MOB3A: variants seen among roughly 807,000 people sequenced by gnomAD.
MOB3A encodes the protein MOB kinase activator 3A.
In MOB3A, 17 loss-of-function variants were observed where a neutral mutation model predicts 17.8. That is an observed-to-expected ratio of 0.95 (90% confidence interval 0.65 to 1.43). MOB3A has a LOEUF of 1.43. MOB3A is among the 40% of genes most tolerant of loss of function. The probability of loss-of-function intolerance (pLI) is 0.00; values close to 1 mark genes in which losing one functional copy is unlikely to be tolerated. For synonymous variants in MOB3A, 124 were observed against 133.2 expected, an observed-to-expected ratio of 0.93 and a Z score of 0.48; for missense variants, 333 against 310.8, an observed-to-expected ratio of 1.07 and a Z score of -0.54.
chr19:2,088,942 A>G (rs558161333), intron 1 of MOB3A, among the ~76,000 whole-genome samples: 59 of 152,076 alleles, frequency 3.9e-4, no homozygotes, highest in Non-Finnish European at 7.2e-4. Flanking sequence ...CAAATTGCCA[A>G]CCTCACCACT....
Position 2,077,008 on chromosome 19 carries a change from G to T in MOB3A, c.427C>A (p.Pro143Thr). 6.2e-7 allele frequency: 1 copy of T among 1,612,802 alleles called. No individual in the cohort carries two copies. The highest frequency in any genetic ancestry group is 8.5e-7 in the Non-Finnish European group (1 of 1,179,674). The change falls in exon 4 of 5, where the codon CCG (proline) becomes ACG (threonine). Residue 143 changes from proline to threonine, a missense_variant. Pro to Thr is a conservative substitution (Grantham distance 38). Coordinates refer to ENST00000357066, the MANE Select transcript of MOB3A (RefSeq NM_130807.3). ...EDLFPTNVGT[P>T]FPKNFLQTVR... ...GTCTGCAGGAAGTTCTTGGGAAACG[G>T]AGTGCCTGCAGGGAGAGGGGTGGGA...
chr19:2,074,404 GAAAA>G (rs937614564), intron 4 of MOB3A, among the ~76,000 whole-genome samples: 13 of 151,722 alleles, frequency 8.6e-5, no homozygotes, highest in African/African-American at 3.2e-4. Context: ...AAAAAGAAAA[GAAAA>G]AGAAAGAAAA....
chr19:2,091,889 C>G (rs1386586684), intron 1 of MOB3A, among the ~76,000 whole-genome samples: 2 of 149,326 alleles, frequency 1.3e-5, no homozygotes, highest in African/African-American at 4.9e-5. Context: ...CCCAGCTATT[C>G]AGGAGGCTGA....
intron 1 of MOB3A, among the ~76,000 whole-genome samples, chr19:2,086,733 C>T (rs1013817238): frequency 9.9e-5 from 15 of 152,116 alleles, no homozygotes; most frequent in Admixed American, 2.6e-4. Flanking sequence ...AGGATGGCTG[C>T]GTCTTCCCTG....
chr19:2,086,104 G>A (rs994609381), intron 1 of MOB3A, among the ~76,000 whole-genome samples: 3 of 150,700 alleles, frequency 2.0e-5, no homozygotes, highest in South Asian at 2.1e-4. Flanking sequence ...GCAGTGGTAC[G>A]ATCTCAGCTC....
At chr19:2,087,800 A>G (rs1208230000) in intron 1 of MOB3A, among the ~76,000 whole-genome samples, 4 of 152,182 alleles carry the variant, frequency 2.6e-5, no homozygotes, top group Non-Finnish European at 5.9e-5. Context: ...ACAGGGAGGA[A>G]CGCCCCAAGC....
chr19:2,079,616 C>T (rs2017461178), intron 2 of MOB3A, among the ~76,000 whole-genome samples: 1 of 152,206 alleles, frequency 6.6e-6, no homozygotes, highest in African/African-American at 2.4e-5. Flanking sequence ...CAGCCCCGCC[C>T]ACACCTTCGT....
In MOB3A at chr19:2,081,494, A is replaced by G. The variant is rs537515247; in HGVS notation, c.-119-2815T>C. On this transcript the variant is annotated intron_variant, in intron 2 of 4. Coordinates refer to ENST00000357066, the MANE Select transcript of MOB3A (RefSeq NM_130807.3). Reference sequence around the variant, plus strand: ...TCCCAGCTACTCGGGAGGCTGAGGCAGGAGAATCGCTTGAACCCGGGGGAC... The same window carrying G: ...TCCCAGCTACTCGGGAGGCTGAGGCGGGAGAATCGCTTGAACCCGGGGGAC... Among the ~76,000 whole-genome samples, 35 of 152,194 alleles carry G rather than the reference A, an allele frequency of 2.3e-4. No individual in the cohort carries two copies. The East Asian group carries it at 6.0e-3, about 26-fold the overall frequency.
At chr19:2,084,056 G>C in intron 2 of MOB3A, 1 of 440,536 alleles carries the variant, frequency 2.3e-6, no homozygotes, top group South Asian at 1.6e-5. Context: ...ACAGGCGTGA[G>C]CCACCGTGCC....
At chr19:2,084,159 G>C (rs1382601791) in intron 2 of MOB3A, 1 of 500,264 alleles carries the variant, frequency 2.0e-6, no homozygotes, top group Admixed American at 2.1e-5. Context: ...GCAGCCCGAG[G>C]AGCTTGTAAA....
rs1350627859 is a variant in MOB3A, at chr19:2,082,238, G to A, written c.-120+2937C>T. 6.6e-6 allele frequency among the ~76,000 whole-genome samples: 1 copy of A among 152,252 alleles called. No homozygotes were observed. Among genetic ancestry groups the A allele is most frequent in the Non-Finnish European group, 1.5e-5 (1 of 68,046 alleles). On this transcript the variant is annotated intron_variant, in intron 2 of 4. Coordinates refer to ENST00000357066, the MANE Select transcript of MOB3A (RefSeq NM_130807.3). The surrounding 1 kb of genome is among the most constrained non-coding windows in gnomAD (Gnocchi z 4.1). ...GAGAAAACCAGGGCCCAGAAAACCA[G>A]GCCTCTAACCCCTGGCTCTGTGGAC...
At chr19:2,089,590 C>T (rs967169784) in intron 1 of MOB3A, among the ~76,000 whole-genome samples, 1 of 151,898 alleles carries the variant, frequency 6.6e-6, no homozygotes, top group Non-Finnish European at 1.5e-5. Flanking sequence ...ATTCCACGGA[C>T]CCCCAAGAGA....
At position 2,073,198 on chromosome 19, in the gene MOB3A, CTG is replaced by C; in HGVS notation, c.*195_*196del. 1.5e-6 allele frequency: 1 copy of C among 661,314 alleles called. No homozygotes were observed. The highest frequency in any genetic ancestry group is 1.8e-5 in the South Asian group (1 of 56,838). The allele number at this position is 661,314 out of a possible 1,614,324, so 41.0% of individuals were successfully genotyped here. A position where few individuals can be genotyped will look rare whatever the true frequency, so the allele number is the denominator to read the frequency against. The stretch of plus-strand genomic sequence containing the variant: ...TCACGTTTTAGTCCCAGACGGGAGA[CTG>C]AGGCTCGAGACTGAGGAAGGCATCT... On this transcript the variant is annotated 3_prime_UTR_variant, in exon 5 of 5. Coordinates refer to ENST00000357066, the MANE Select transcript of MOB3A (RefSeq NM_130807.3).
intron 4 of MOB3A, 140 bp from the exon 5 acceptor site, chr19:2,073,564 A>G (rs1250274026): frequency 2.8e-6 from 3 of 1,064,090 alleles, no homozygotes; most frequent in East Asian, 4.8e-5. Context: ...AAAACCACAC[A>G]GGCAATGGCA....
intron 2 of MOB3A, 155 bp from the exon 3 acceptor site, chr19:2,078,834 C>T: frequency 2.8e-6 from 1 of 362,440 alleles, no homozygotes; most frequent in Non-Finnish European, 4.9e-6. Flanking sequence ...TCACAGCTCA[C>T]TGCAACCTCT....
intron 1 of MOB3A, among the ~76,000 whole-genome samples, chr19:2,088,944 C>T (rs958569461): frequency 4.6e-5 from 7 of 152,188 alleles, no homozygotes; most frequent in Non-Finnish European, 1.5e-5. Flanking sequence ...AATTGCCAAC[C>T]TCACCACTAG....
chr19:2,074,394 AAAAAG>A lies in MOB3A; in HGVS notation c.625-975_625-971del, dbSNP rs367711689. On this transcript the variant is annotated intron_variant, in intron 4 of 4. Transcript: ENST00000357066. ...TGGAATACAGAAAAAAAGAAAAAGAAAAAAGAAAAGAAAAAGAAAGAAAAAAGAGG... is the reference window on the plus strand; with the variant it reads ...TGGAATACAGAAAAAAAGAAAAAGAAAAAAGAAAAAGAAAGAAAAAAGAGG... Among the ~76,000 whole-genome samples, 1,147 of 152,290 alleles carry A rather than the reference AAAAAG, an allele frequency of 7.5e-3. 19 individuals carry two copies. Among genetic ancestry groups the A allele is most frequent in the African/African-American group, 0.026 (1,074 of 41,572 alleles).
Position 2,076,933 on chromosome 19 carries a change from T to C in MOB3A, c.502A>G (p.Ile168Val), listed in dbSNP as rs557526411. 34 of 1,613,884 alleles carry C rather than the reference T, an allele frequency of 2.1e-5. No homozygotes were observed. The highest frequency in any genetic ancestry group is 2.6e-5 in the Non-Finnish European group (31 of 1,180,030). ...RLFRVFVHVYIHHFDRIAQMG... is the reference protein window; with the variant it reads ...RLFRVFVHVYVHHFDRIAQMG... Reference sequence around the variant, plus strand: ...TGCGCGATGCGGTCAAAGTGGTGGATGTAGACGTGCACGAACACGCGGAAC... The same window carrying C: ...TGCGCGATGCGGTCAAAGTGGTGGACGTAGACGTGCACGAACACGCGGAAC... The change falls in exon 4 of 5, where the codon ATC becomes GTC. Residue 168 changes from isoleucine (I) to valine (V), a missense_variant. Transcript: ENST00000357066.
intron 1 of MOB3A, among the ~76,000 whole-genome samples, chr19:2,091,225 C>T (rs1016887393): frequency 1.3e-5 from 2 of 152,132 alleles, no homozygotes; most frequent in African/African-American, 4.8e-5. Context: ...AAACTTGAGC[C>T]AAAACCTCTC....
Sources: gnomAD v4.1 joint callset for allele counts (sites outside exome capture counted in the v4.1 genomes callset) on GRCh38, gnomAD v4.1.1 for gene constraint, Gnocchi (gnomAD v3.1) non-coding constraint, MANE v1.5 for transcripts, NCBI Gene and HGNC (gene_info 2026-07-23, HGNC 2026-07-21) for gene names.